The following ADAMTS20 variants were observed in gnomAD, a reference collection of about 807,000 sequenced individuals.
ADAMTS20 encodes ADAM metallopeptidase with thrombospondin type 1 motif 20, also known as A disintegrin and metalloproteinase with thrombospondin motifs 20.
In ADAMTS20, 225 loss-of-function variants were observed where a neutral mutation model predicts 260.1. The ratio of observed to expected loss-of-function variants is 0.87; its 90% CI spans 0.78 to 0.97. The LOEUF (loss-of-function observed/expected upper bound fraction) is 0.97, where lower values mean the gene tolerates loss of function less well. Ranked by LOEUF, ADAMTS20 falls within the 50% of genes least tolerant of loss-of-function variation. The pLI is 0.00. For missense variants in ADAMTS20, 2,400 were observed against 2,337.7 expected (o/e 1.03, Z -0.55); for synonymous variants, 802 against 769.5 (o/e 1.04, Z -0.70).
Position 43,421,282 on chromosome 12 carries a change from C to CACACACA in ADAMTS20, c.4284+4231_4284+4232insTGTGTGT, listed in dbSNP as rs368419833. 9.7e-4 allele frequency among the ~76,000 whole-genome samples: 115 copies of CACACACA among 118,882 alleles called. 2 individuals carry two copies. The highest frequency in any genetic ancestry group is 7.6e-3 in the East Asian group (34 of 4,466). The allele number at this position is 118,882 out of a possible 152,430, so 78.0% of individuals were successfully genotyped here. On this transcript the variant is annotated intron_variant, in intron 28 of 38. Coordinates refer to ENST00000389420, the MANE Select transcript of ADAMTS20 (RefSeq NM_025003.5). ...GGTTCAAGTAGCAAGCTTTCATTTA[C>CACACACA]AAAAAAAAAAAAAAAACTTTCTCTT... is the stretch of plus-strand genomic sequence containing the variant.
Position 43,377,520 on chromosome 12 carries a change from A to T in ADAMTS20, c.4840T>A (p.Tyr1614Asn). 1 of 1,613,392 alleles carries T rather than the reference A, an allele frequency of 6.2e-7. No homozygotes were observed. Among genetic ancestry groups the T allele is most frequent in the Non-Finnish European group, 8.5e-7 (1 of 1,179,546 alleles). Residue 1614 changes from tyrosine (Y) to asparagine (N), a missense_variant, in exon 32 of 39, where the codon TAT becomes AAT. By Grantham distance (143) the Tyr-to-Asn change is moderately radical (BLOSUM62 -2). Transcript: ENST00000389420. ...TTAGTAGATGGGATCTCGGTGCAAT[A>T]TGTAATCCTTTGTCTGTAACTAAAT... Reference protein sequence around the residue: ...CGFSYRQRITYCTEIPSTKKH... With the variant: ...CGFSYRQRITNCTEIPSTKKH...
chr12:43,385,209 G>A (rs919951724), intron 29 of ADAMTS20, among the ~76,000 whole-genome samples: 12 of 152,172 alleles, frequency 7.9e-5, no homozygotes, highest in Admixed American at 3.3e-4. Context: ...AATGACCAGT[G>A]ATGATGAGCT....
intron 29 of ADAMTS20, among the ~76,000 whole-genome samples, chr12:43,385,269 CT>C (rs1175592132): frequency 6.6e-6 from 1 of 152,168 alleles, no homozygotes; most frequent in Non-Finnish European, 1.5e-5. Context: ...TGAAAAGGGT[CT>C]GTTCATATCC....
intron 16 of ADAMTS20, among the ~76,000 whole-genome samples, chr12:43,442,560 C>T (rs1044952821): frequency 2.0e-5 from 3 of 152,038 alleles, no homozygotes; most frequent in African/African-American, 7.2e-5. Flanking sequence ...GCACAGCCAA[C>T]ATTTCTAATT....
At position 43,467,657 on chromosome 12, in the gene ADAMTS20, T is replaced by C. The variant is rs148622131; in HGVS notation, c.1224-862A>G. ...CACCCAGATGTTGCCGCAATACTTC[T>C]ACTGTCCTCAGATATTCTGTTCATC... On this transcript the variant is annotated intron_variant, in intron 8 of 38. Coordinates refer to ENST00000389420, the MANE Select transcript of ADAMTS20 (RefSeq NM_025003.5). Among the ~76,000 whole-genome samples, 129 of 152,200 alleles carry C rather than the reference T, an allele frequency of 8.5e-4. 2 individuals carry two copies. Among genetic ancestry groups the C allele is most frequent in the African/African-American group, 2.7e-3 (113 of 41,560 alleles).
intron 2 of ADAMTS20, among the ~76,000 whole-genome samples, chr12:43,535,647 G>T (rs1278272915): frequency 6.6e-6 from 1 of 151,990 alleles, no homozygotes; most frequent in Non-Finnish European, 1.5e-5. Context: ...CTATTAGTCT[G>T]CCATTAGATC....
At chr12:43,356,903 ATC>A (rs1038651996) in intron 37 of ADAMTS20, among the ~76,000 whole-genome samples, 3 of 152,188 alleles carry the variant, frequency 2.0e-5, no homozygotes, top group Admixed American at 2.0e-4. Flanking sequence ...ATTTTCCAGA[ATC>A]TCTGTTATTG....
chr12:43,550,089 A>G (rs1943491725), intron 2 of ADAMTS20, among the ~76,000 whole-genome samples: 1 of 152,190 alleles, frequency 6.6e-6, no homozygotes, highest in African/African-American at 2.4e-5. Context: ...GAGTGAGCCT[A>G]TATATGTTTT....
At position 43,356,498 on chromosome 12, in the gene ADAMTS20, T is replaced by A. The variant is rs1411725752; in HGVS notation, c.5629A>T (p.Ile1877Leu). 1.2e-6 allele frequency: 2 copies of A among 1,606,798 alleles called. No individual in the cohort carries two copies. Among genetic ancestry groups the A allele is most frequent in the East Asian group, 4.5e-5 (2 of 44,804 alleles). ...LTQGSYTSVS[I>L]RRSEDGTRFF... ...GCAGGACTTACCTCTGATCTTCGTA[T>A]GCTGACAGAGGTATAACTCCCCTGA... Residue 1877 changes from isoleucine to leucine, a missense_variant, in exon 38 of 39, where the codon ATA becomes TTA. Physicochemically the swap from Ile to Leu is conservative, Grantham distance 5. Coordinates refer to ENST00000389420, the MANE Select transcript of ADAMTS20 (RefSeq NM_025003.5).
intron 38 of ADAMTS20, among the ~76,000 whole-genome samples, chr12:43,356,055 T>C (rs1939737227): frequency 6.6e-6 from 1 of 152,174 alleles, no homozygotes; most frequent in East Asian, 1.9e-4. Context: ...CCCCCATCAC[T>C]AAAACAGTGA....
chr12:43,547,947 C>A (rs1324531309), intron 2 of ADAMTS20, among the ~76,000 whole-genome samples: 4 of 152,162 alleles, frequency 2.6e-5, no homozygotes, highest in Non-Finnish European at 5.9e-5. Flanking sequence ...ACTTGAGGAA[C>A]TGAAGGACGG....
In ADAMTS20 at chr12:43,502,098, T is replaced by C. The variant is rs895111336; in HGVS notation, c.867+54A>G. 11 of 1,453,570 alleles carry C rather than the reference T, an allele frequency of 7.6e-6. No homozygotes were observed. In the South Asian group the frequency reaches 1.6e-4, roughly 21 times the overall value. The allele number at this position is 1,453,570 out of a possible 1,614,324, so 90.0% of individuals were successfully genotyped here. On this transcript the variant is annotated intron_variant, in intron 4 of 38. Transcript: ENST00000389420. ...AAAAATTTAATTCGACATGAAAAAATTTCATTAAGCTAAACATTTTAGGAA... is the reference window on the plus strand; with the variant it reads ...AAAAATTTAATTCGACATGAAAAAACTTCATTAAGCTAAACATTTTAGGAA...
intron 28 of ADAMTS20, among the ~76,000 whole-genome samples, chr12:43,419,476 T>C (rs571083553): frequency 2.6e-5 from 4 of 152,170 alleles, no homozygotes; most frequent in East Asian, 1.9e-4. Context: ...AGAATGCTTA[T>C]ATATCTTCTA....
At chr12:43,361,026 T>C (rs529225842) in intron 37 of ADAMTS20, among the ~76,000 whole-genome samples, 8 of 152,330 alleles carry the variant, frequency 5.3e-5, no homozygotes, top group African/African-American at 1.4e-4. Flanking sequence ...GTGCAAAACA[T>C]TTACTTTACT....
chr12:43,542,104 A>G (rs55780906), intron 2 of ADAMTS20, among the ~76,000 whole-genome samples: 17,266 of 152,192 alleles, frequency 0.11, 1,367 homozygotes, highest in African/African-American at 0.22. Context: ...GGTGTTATAA[A>G]GTCATATGAA....
intron 7 of ADAMTS20, among the ~76,000 whole-genome samples, chr12:43,484,073 T>A (rs1158573228): frequency 6.6e-6 from 1 of 152,136 alleles, no homozygotes; most frequent in African/African-American, 2.4e-5. Flanking sequence ...GAACTCATAC[T>A]GAGTCCACCA....
chr12:43,524,158 G>A (rs1943109875), intron 3 of ADAMTS20, among the ~76,000 whole-genome samples: 1 of 19,586 alleles, frequency 5.1e-5, no homozygotes, highest in Admixed American at 6.3e-4. Flanking sequence ...GGCTAATCAG[G>A]AGGTCCTGAG....
chr12:43,380,651 A>C (rs750676563), intron 31 of ADAMTS20, among the ~76,000 whole-genome samples: 7 of 152,186 alleles, frequency 4.6e-5, no homozygotes, highest in Non-Finnish European at 1.0e-4. Flanking sequence ...TAATAGAACA[A>C]TTCCATTTAC....
intron 3 of ADAMTS20, among the ~76,000 whole-genome samples, chr12:43,524,753 A>G (rs1248081800): frequency 6.6e-6 from 1 of 152,218 alleles, no homozygotes; most frequent in East Asian, 1.9e-4. Context: ...AACAATTACA[A>G]TGAAGCATTT....
Sources: gnomAD v4.1 joint callset for allele counts (sites outside exome capture counted in the v4.1 genomes callset) on GRCh38, gnomAD v4.1.1 for gene constraint, MANE v1.5 for transcripts, NCBI Gene and HGNC (gene_info 2026-07-23, HGNC 2026-07-21) for gene names.